GNB4: variants seen among roughly 807,000 people sequenced by gnomAD.
GNB4 encodes G protein subunit beta 4, also known as guanine nucleotide-binding protein subunit beta-4.
GNB4 carries 28 observed loss-of-function variants against 45.2 expected under a neutral mutation model. The ratio of observed to expected loss-of-function variants is 0.62; its 90% CI spans 0.46 to 0.85. The LOEUF (loss-of-function observed/expected upper bound fraction) is 0.85, where lower values mean the gene tolerates loss of function less well. Ranked by LOEUF, GNB4 falls within the 40% of genes least tolerant of loss-of-function variation. The pLI is 0.00. For missense variants in GNB4, 321 were observed against 425.4 expected (o/e 0.75, Z 2.16); for synonymous variants, 132 against 143.7 (o/e 0.92, Z 0.58).
chr3:179,401,347 G>A, intron 9 of GNB4, 28 bp from the exon 10 acceptor site: 1 of 1,506,710 alleles, frequency 6.6e-7, no homozygotes, highest in Non-Finnish European at 9.2e-7. Context: ...TAAAAAATTG[G>A]CAATTGTAGG....
the GNB4 span, among the ~76,000 whole-genome samples, chr3:179,490,390 C>A: frequency 9.3e-3 from 1,419 of 151,958 alleles, 28 homozygotes; most frequent in African/African-American, 0.032. Flanking sequence ...GAGATAGAAG[C>A]GATAGAAAAT....
At chr3:179,492,802 G>C in the GNB4 span, among the ~76,000 whole-genome samples, 1 of 152,170 alleles carries the variant, frequency 6.6e-6, no homozygotes, top group Non-Finnish European at 1.5e-5. Context: ...GATCCCTTCA[G>C]TTAGGTCTTT....
At chr3:179,486,916 A>T in the GNB4 span, among the ~76,000 whole-genome samples, 10 of 152,246 alleles carry the variant, frequency 6.6e-5, no homozygotes, top group Admixed American at 1.3e-4. Flanking sequence ...CTGTTTAAAC[A>T]TCGGGCCTCA....
chr3:179,513,561 C>T, the GNB4 span, among the ~76,000 whole-genome samples: 1 of 151,864 alleles, frequency 6.6e-6, no homozygotes, highest in African/African-American at 2.4e-5. Context: ...ATTCTATAAA[C>T]CTTATAATTA....
At chr3:179,461,135 G>A in the GNB4 span, among the ~76,000 whole-genome samples, 1 of 152,028 alleles carries the variant, frequency 6.6e-6, no homozygotes, top group African/African-American at 2.4e-5. Context: ...CTTGGCCTGC[G>A]TCTTGGGCTG....
At chr3:179,510,391 A>G in the GNB4 span, among the ~76,000 whole-genome samples, 1 of 152,160 alleles carries the variant, frequency 6.6e-6, no homozygotes, top group Admixed American at 6.5e-5. Flanking sequence ...CTTCTTATTA[A>G]TAGTACTCAG....
chr3:179,476,919 C>T, the GNB4 span, among the ~76,000 whole-genome samples: 1,349 of 151,724 alleles, frequency 8.9e-3, 31 homozygotes, highest in African/African-American at 0.031. Context: ...AGTCTTTTCT[C>T]TTCTCTTGCA....
At chr3:179,465,814 CTTCTTCTTCT>C in the GNB4 span, among the ~76,000 whole-genome samples, 27 of 133,036 alleles carry the variant, frequency 2.0e-4, no homozygotes, top group East Asian at 6.9e-4. Context: ...TCTTCTTCTT[CTTCTTCTTCT>C]TTTTTTTTTT....
rs532591260 is a variant in GNB4 at position 179,413,998 on chromosome 3, C to G, written c.431-217G>C. 2.0e-5 allele frequency among the ~76,000 whole-genome samples: 3 copies of G among 152,198 alleles called. No homozygotes were observed. In the South Asian group the frequency reaches 6.2e-4, roughly 32 times the overall value. The stretch of plus-strand genomic sequence containing the variant: ...TCTTAGGCATTAACTATGTTAATGA[C>G]ATTGTGCTGGGTACTCTGAAAGTTA... On this transcript the variant is annotated intron_variant, in intron 6 of 9. Coordinates refer to ENST00000232564, the MANE Select transcript of GNB4 (RefSeq NM_021629.4).
At chr3:179,464,994 G>A in the GNB4 span, 1 of 1,537,870 alleles carries the variant, frequency 6.5e-7, no homozygotes, top group Non-Finnish European at 9.0e-7. Flanking sequence ...CACACAGATG[G>A]GGTGCATGAA....
At chr3:179,469,169 A>G in the GNB4 span, among the ~76,000 whole-genome samples, 1 of 152,122 alleles carries the variant, frequency 6.6e-6, no homozygotes, top group Non-Finnish European at 1.5e-5. Flanking sequence ...GATGTCCTAT[A>G]TCTTTCTAAA....
At chr3:179,408,153 A>C (rs1474607408) in intron 8 of GNB4, among the ~76,000 whole-genome samples, 1 of 152,222 alleles carries the variant, frequency 6.6e-6, no homozygotes, top group African/African-American at 2.4e-5. Context: ...ATCTAATAAA[A>C]ATTCACCAGA....
chr3:179,447,800 A>T (rs1715774844), intron 1 of GNB4, among the ~76,000 whole-genome samples: 1 of 152,186 alleles, frequency 6.6e-6, no homozygotes, highest in Non-Finnish European at 1.5e-5. Flanking sequence ...CTTGCTGTTG[A>T]AGGAATAGAT....
intron 1 of GNB4, among the ~76,000 whole-genome samples, chr3:179,440,158 TATCTTCTCTTTCCTTGAGGGA>T (rs1715560289): frequency 6.6e-6 from 1 of 152,348 alleles, no homozygotes; most frequent in African/African-American, 2.4e-5. Flanking sequence ...TTTCAGGTGT[TATCTTCTCTTTCCTTGAGGGA>T]AACAATTCCT....
chr3:179,447,255 C>T (rs1298534757), intron 1 of GNB4, among the ~76,000 whole-genome samples: 2 of 148,554 alleles, frequency 1.3e-5, no homozygotes, highest in African/African-American at 5.0e-5. Flanking sequence ...GTGACGATGG[C>T]GAGGCTGGAA....
the GNB4 span, among the ~76,000 whole-genome samples, chr3:179,512,285 C>G: frequency 6.6e-6 from 1 of 152,236 alleles, no homozygotes; most frequent in East Asian, 1.9e-4. Flanking sequence ...TCCTTTTTTT[C>G]CAGGACCATA....
At chr3:179,472,896 G>T in the GNB4 span, among the ~76,000 whole-genome samples, 514 of 152,294 alleles carry the variant, frequency 3.4e-3, 1 homozygote, top group Non-Finnish European at 5.6e-3. Flanking sequence ...GGGCGCGGTG[G>T]CTCACGCCTG....
the GNB4 span, among the ~76,000 whole-genome samples, chr3:179,516,474 C>T: frequency 6.6e-6 from 1 of 152,156 alleles, no homozygotes; most frequent in Non-Finnish European, 1.5e-5. Context: ...GTCAACTTGC[C>T]AGTCCTGGGT....
chr3:179,425,007 C>T (rs1409117901), intron 2 of GNB4, among the ~76,000 whole-genome samples: 2 of 152,216 alleles, frequency 1.3e-5, no homozygotes, highest in East Asian at 3.9e-4. Flanking sequence ...ATGAGATTCT[C>T]CCTGCTTACC....
Sources: gnomAD v4.1 joint callset for allele counts (sites outside exome capture counted in the v4.1 genomes callset) on GRCh38, gnomAD v4.1.1 for gene constraint, MANE v1.5 for transcripts, NCBI Gene and HGNC (gene_info 2026-07-23, HGNC 2026-07-21) for gene names.